The following FAT1 variants were observed in gnomAD, a reference collection of about 807,000 sequenced individuals.
FAT1 encodes FAT atypical cadherin 1, also known as protocadherin Fat 1.
Under a neutral mutation model 329.8 loss-of-function variants are expected in FAT1, and 171 were observed. The observed-to-expected ratio is 0.52, with a 90% CI of 0.46 to 0.59. The LOEUF (loss-of-function observed/expected upper bound fraction) is 0.59, where lower values mean the gene tolerates loss of function less well. Among genes scored for constraint, FAT1 ranks in the 20% least tolerant of loss-of-function variants. The pLI is 0.00. For synonymous variants in FAT1, 2,233 were observed against 2,228.6 expected, an observed-to-expected ratio of 1.00 and a Z score of -0.06; for missense variants, 5,672 against 5,774.4, an observed-to-expected ratio of 0.98 and a Z score of 0.57.
rs747439801 is a variant in FAT1, at chr4:186,611,648, G to A, written c.9591C>T (p.Leu3197=). The A allele has an allele frequency of 6.2e-7, 1 of 1,613,220 alleles. No individual in the cohort carries two copies. Among genetic ancestry groups the A allele is most frequent in the South Asian group, 1.1e-5 (1 of 90,886 alleles). ...AGCCTTGATCCACAGCTTTCAAAGA[G>A]AGGGTGTATACTGCCTGGAGTTCTC... ...LDRELQAVYT[L]SLKAVDQGLP... Residue 3197 remains leucine (L), a synonymous_variant, in exon 14 of 27, where the codon CTC becomes CTT. Coordinates refer to ENST00000441802, the MANE Select transcript of FAT1 (RefSeq NM_005245.4).
rs2126705321 is a variant in FAT1 at position 186,709,589 on chromosome 4, T to C, written c.239A>G (p.Glu80Gly). 6.2e-7 allele frequency: 1 copy of C among 1,613,922 alleles called. No homozygotes were observed. The highest frequency in any genetic ancestry group is 2.2e-5 in the East Asian group (1 of 44,896). ...GTACTCTTCAGCTTTGAACAGGTTT[T>C]CACTGTCTCCGGAAACAATTTTGTA... is the stretch of plus-strand genomic sequence containing the variant. ...VRYKIVSGDS[E>G]NLFKAEEYIL... The change falls in exon 2 of 27, where the codon GAA becomes GGA. Residue 80 changes from glutamate to glycine, a missense_variant. Coordinates refer to ENST00000441802, the MANE Select transcript of FAT1 (RefSeq NM_005245.4).
At position 186,717,163 on chromosome 4, in the gene FAT1, A is replaced by C. The variant is rs184464738; in HGVS notation, c.-19+6501T>G. Among the ~76,000 whole-genome samples the C allele has an allele frequency of 3.2e-4, 48 of 151,844 alleles. 1 individual carries two copies. The East Asian group carries it at 8.1e-3, about 26-fold the overall frequency. ...ATAAAATTTACAACAGGAAAAAAAA[A>C]ACTCTCTATTTTTCTAGTTCAATTA... On this transcript the variant is annotated intron_variant, in intron 1 of 26. Transcript: ENST00000441802.
At chr4:186,595,882 G>T in intron 25 of FAT1, 56 bp from the exon 26 acceptor site, 1 of 1,586,238 alleles carries the variant, frequency 6.3e-7, no homozygotes, top group Non-Finnish European at 8.6e-7. Context: ...TTTGTTCACC[G>T]CTGAATCCTG....
At chr4:186,714,037 T>C (rs1745093401) in intron 1 of FAT1, among the ~76,000 whole-genome samples, 1 of 152,058 alleles carries the variant, frequency 6.6e-6, no homozygotes, top group Non-Finnish European at 1.5e-5. Context: ...TAAAGGACAA[T>C]TTTTAGGACT....
chr4:186,678,792 C>G (rs1266338880), intron 2 of FAT1, among the ~76,000 whole-genome samples: 1 of 152,002 alleles, frequency 6.6e-6, no homozygotes, highest in East Asian at 1.9e-4. Flanking sequence ...GTGGCGATTC[C>G]TTAAGGATCT....
chr4:186,648,660 C>G (rs891597914), intron 3 of FAT1, among the ~76,000 whole-genome samples: 21 of 152,248 alleles, frequency 1.4e-4, no homozygotes, highest in Non-Finnish European at 8.8e-5. Flanking sequence ...TCTGAGTCAG[C>G]AGGAGAAACT....
Position 186,617,066 on chromosome 4 carries a change from G to C in FAT1, c.9014C>G (p.Ser3005Ter). 1 of 1,613,974 alleles carries C rather than the reference G, an allele frequency of 6.2e-7. No homozygotes were observed. Among genetic ancestry groups the C allele is most frequent in the Non-Finnish European group, 8.5e-7 (1 of 1,179,890 alleles). ...AACTTTCACTTCAACTATCGCTTTTGATGAGAAGGTGCCATCAGTTGCCGT... is the reference window on the plus strand; with the variant it reads ...AACTTTCACTTCAACTATCGCTTTTCATGAGAAGGTGCCATCAGTTGCCGT... Reference protein sequence around the residue: ...TITATDGTFSSKAIVEVKVLD... With the variant: ...TITATDGTFS The change falls in exon 11 of 27, where the codon TCA (serine) becomes TGA (stop). Residue 3005 changes from serine (S) to a stop codon, truncating the protein, a stop_gained. Coordinates refer to ENST00000441802, the MANE Select transcript of FAT1 (RefSeq NM_005245.4). LOFTEE classifies it high-confidence loss of function.
rs148204168 is a variant in FAT1 at position 186,709,073 on chromosome 4, T to G, written c.755A>C (p.Glu252Ala). The G allele has an allele frequency of 8.2e-5, 133 of 1,613,906 alleles. 2 individuals are homozygous for G. In the East Asian group the frequency reaches 1.7e-3, roughly 21 times the overall value. Residue 252 changes from glutamate (E) to alanine (A), a missense_variant, in exon 2 of 27, where the codon GAA becomes GCA. This residue lies in a region of FAT1 where 3,966 missense variants were observed against 3,915.2 expected (regional missense o/e 1.01). Transcript: ENST00000441802. ...KLTVHIEQAN[E>A]CAPVITAVTL... ...CACTGCTGTTATCACCGGAGCACAT[T>G]CATTGGCCTGTTCGATGTGCACCGT...
intron 2 of FAT1, among the ~76,000 whole-genome samples, chr4:186,667,317 A>T (rs545387140): frequency 6.7e-6 from 1 of 149,794 alleles, no homozygotes; most frequent in South Asian, 2.3e-4. Flanking sequence ...TCAGGAGGGG[A>T]TTGTCGGCCT....
At position 186,619,196 on chromosome 4, in the gene FAT1, TAA is replaced by T; in HGVS notation, c.7388_7389del (p.Leu2463GlnfsTer6). The T allele has an allele frequency of 1.2e-6, 2 of 1,613,960 alleles. No individual in the cohort carries two copies. The highest frequency in any genetic ancestry group is 1.7e-6 in the Non-Finnish European group (2 of 1,179,902). ...HRHALKPFYS[L>X]NLSVSDGVFR... Reference sequence around the variant, plus strand: ...AAAACTCCATCAGACACTGACAGGTTAAGACTGTAAAATGGCTTCAGGGCGTG... The same window carrying T: ...AAAACTCCATCAGACACTGACAGGTTGACTGTAAAATGGCTTCAGGGCGTG... On this transcript the variant is annotated frameshift_variant, in exon 10 of 27. Coordinates refer to ENST00000441802, the MANE Select transcript of FAT1 (RefSeq NM_005245.4). LOFTEE classifies it high-confidence loss of function.
intron 3 of FAT1, among the ~76,000 whole-genome samples, chr4:186,642,774 C>A (rs396205): frequency 6.6e-6 from 1 of 152,038 alleles, no homozygotes; most frequent in African/African-American, 2.4e-5. Flanking sequence ...ACCACACCCA[C>A]AGAAGTGAGC....
chr4:186,725,358 G>GT (rs1745683502), upstream of FAT1, among the ~76,000 whole-genome samples: 1 of 152,030 alleles, frequency 6.6e-6, no homozygotes, highest in South Asian at 2.1e-4. This position sits in a 1 kb window ranked among gnomAD's most constrained non-coding sequence, Gnocchi z 5.4. Flanking sequence ...AAGAAGAACA[G>GT]TAAAAAAAGT....
intron 2 of FAT1, among the ~76,000 whole-genome samples, chr4:186,675,553 G>A (rs1223698802): frequency 6.6e-6 from 1 of 152,198 alleles, no homozygotes; most frequent in East Asian, 1.9e-4. Context: ...GATTACTTGA[G>A]CCCAGGAGTT....
At chr4:186,718,009 A>G (rs1195010969) in intron 1 of FAT1, among the ~76,000 whole-genome samples, 2 of 152,232 alleles carry the variant, frequency 1.3e-5, no homozygotes, top group Non-Finnish European at 2.9e-5. Flanking sequence ...AGAGTAGCCA[A>G]TAATCAACAA....
chr4:186,615,780 T>G (rs1324287958), intron 11 of FAT1, among the ~76,000 whole-genome samples: 1 of 152,172 alleles, frequency 6.6e-6, no homozygotes, highest in Non-Finnish European at 1.5e-5. Context: ...TTTTTCCCTT[T>G]TGTTAGTATC....
rs760328234 is a variant in FAT1, at chr4:186,619,454, C to T, written c.7132G>A (p.Val2378Met). ...TTATCATTGAGGTCGGTAACGTCCACCGTGACAATCACATCACTGCTCAGC... is the reference window on the plus strand; with the variant it reads ...TTATCATTGAGGTCGGTAACGTCCATCGTGACAATCACATCACTGCTCAGC... ...PTLSSDVIVT[V>M]DVTDLNDNPP... The change falls in exon 10 of 27, where the codon GTG becomes ATG. Residue 2378 changes from valine to methionine, a missense_variant. Val to Met is a conservative substitution (Grantham distance 21, BLOSUM62 1). Transcript: ENST00000441802. The T allele has an allele frequency of 1.2e-6, 2 of 1,614,002 alleles. No individual in the cohort carries two copies. Among genetic ancestry groups the T allele is most frequent in the Non-Finnish European group, 8.5e-7 (1 of 1,179,900 alleles).
chr4:186,644,351 T>C (rs1048601441), intron 3 of FAT1, among the ~76,000 whole-genome samples: 3 of 152,214 alleles, frequency 2.0e-5, no homozygotes, highest in African/African-American at 7.2e-5. Flanking sequence ...TTTTGTAACT[T>C]TGTGTTTCAT....
intron 9 of FAT1, among the ~76,000 whole-genome samples, chr4:186,624,631 TC>T (rs1343808403): frequency 6.6e-6 from 1 of 152,192 alleles, no homozygotes; most frequent in Non-Finnish European, 1.5e-5. Context: ...CTTAATTAAC[TC>T]CTTTTTCCCT....
chr4:186,718,979 GA>G (rs1378712644), intron 1 of FAT1, among the ~76,000 whole-genome samples: 1 of 152,102 alleles, frequency 6.6e-6, no homozygotes, highest in African/African-American at 2.4e-5. Context: ...CAACACTCCT[GA>G]TCCTTCATTC....
Sources: gnomAD v4.1 joint callset for allele counts (sites outside exome capture counted in the v4.1 genomes callset) on GRCh38, gnomAD v4.1.1 for gene constraint, gnomAD v4.1.1 regional missense constraint, Gnocchi (gnomAD v3.1) non-coding constraint, MANE v1.5 for transcripts, NCBI Gene and HGNC (gene_info 2026-07-23, HGNC 2026-07-21) for gene names.